Variants in MORN3 observed in about 807,000 individuals in gnomAD.
MORN3 encodes the protein MORN repeat containing 3.
Under a neutral mutation model 34.7 loss-of-function variants are expected in MORN3, and 38 were observed. That is an observed-to-expected ratio of 1.10 (90% CI 0.85 to 1.44). MORN3 has a LOEUF of 1.44. Among genes scored for constraint, MORN3 ranks in the 40% most tolerant of loss-of-function variants. MORN3 has a pLI of 0.00. For missense variants in MORN3, 311 were observed against 321.7 expected, an observed-to-expected ratio of 0.97 and a Z score of 0.25; for synonymous variants, 109 against 115.3, an observed-to-expected ratio of 0.95 and a Z score of 0.35.
chr12:121,657,483 T>C (rs1366346443), intron 2 of MORN3, among the ~76,000 whole-genome samples: 2 of 152,044 alleles, frequency 1.3e-5, no homozygotes, highest in Non-Finnish European at 2.9e-5. Context: ...CTCTGACCAA[T>C]CAGCACGCCT....
intron 5 of MORN3, 109 bp downstream of exon 5, chr12:121,652,619 C>T (rs1473286913): frequency 4.1e-6 from 4 of 969,658 alleles, no homozygotes; most frequent in African/African-American, 1.6e-5. Flanking sequence ...CTTGCTCCCC[C>T]ACTCCCCGAC....
At chr12:121,663,558 C>A (rs1309569477) in intron 1 of MORN3, among the ~76,000 whole-genome samples, 13 of 152,004 alleles carry the variant, frequency 8.6e-5, no homozygotes. Context: ...TACAATTTTT[C>A]TTTGTCAATC....
chr12:121,654,667 G>T (rs1287406469), intron 2 of MORN3, among the ~76,000 whole-genome samples: 1 of 151,710 alleles, frequency 6.6e-6, no homozygotes, highest in Non-Finnish European at 1.5e-5. Flanking sequence ...ATGTGATCTC[G>T]GCTCACTGTA....
In MORN3 at chr12:121,653,146, C is replaced by G. The variant is rs1162239783; in HGVS notation, c.577G>C (p.Ala193Pro). 1.2e-6 allele frequency: 2 copies of G among 1,614,172 alleles called. No homozygotes were observed. Among genetic ancestry groups the G allele is most frequent in the Admixed American group, 3.3e-5 (2 of 60,008 alleles). ...LFEGFWVDNM[A>P]KCGTMIDFGR... ...AAGTCGATCATCGTCCCGCATTTGG[C>G]CATATTGTCCACCCAGAAGCCTTCA... Residue 193 changes from alanine to proline, a missense_variant, in exon 4 of 6, where the codon GCC becomes CCC. Ala to Pro is a conservative substitution (Grantham distance 27). Transcript: ENST00000355329.
intron 1 of MORN3, among the ~76,000 whole-genome samples, chr12:121,667,481 C>G (rs1222395774): frequency 6.6e-6 from 1 of 152,070 alleles, no homozygotes; most frequent in Non-Finnish European, 1.5e-5. Context: ...TGTTGAACTC[C>G]TGACCTCAAG....
intron 2 of MORN3, 65 bp downstream of exon 2, chr12:121,659,124 AAC>A (rs1314155317): frequency 5.0e-5 from 76 of 1,525,312 alleles, no homozygotes; most frequent in South Asian, 3.4e-4. Flanking sequence ...GCTTCCCCTA[AAC>A]ACACACGCGC....
chr12:121,667,292 C>T (rs1168522463), intron 1 of MORN3, among the ~76,000 whole-genome samples: 2 of 151,690 alleles, frequency 1.3e-5, no homozygotes, highest in Non-Finnish European at 1.5e-5. Context: ...CTTGCTCTGG[C>T]ACCCAGGCTG....
At position 121,664,533 on chromosome 12, in the gene MORN3, C is replaced by T. The variant is rs183198811; in HGVS notation, c.145+4806G>A. On this transcript the variant is annotated intron_variant, in intron 1 of 5. Coordinates refer to ENST00000355329, the MANE Select transcript of MORN3 (RefSeq NM_173855.5). ...CAGCACTTTGGGAGGCCAAGGCGGG[C>T]GGATCACTTGAGGTCGGGAGTTCGA... 1.3e-4 allele frequency among the ~76,000 whole-genome samples: 20 copies of T among 152,194 alleles called. No homozygotes were observed. The East Asian group carries it at 3.3e-3, about 25-fold the overall frequency.
chr12:121,661,188 G>A (rs572747186), intron 1 of MORN3, among the ~76,000 whole-genome samples: 1 of 151,956 alleles, frequency 6.6e-6, no homozygotes, highest in South Asian at 2.1e-4. Context: ...CAAACTACTG[G>A]GCTCAAGCAG....
At chr12:121,662,617 G>A (rs1299416206) in intron 1 of MORN3, among the ~76,000 whole-genome samples, 1 of 152,044 alleles carries the variant, frequency 6.6e-6, no homozygotes, top group Non-Finnish European at 1.5e-5. Flanking sequence ...AGCTGGGCAT[G>A]GTGGTGAGCA....
rs574575302 is a variant in MORN3, at chr12:121,668,514, G to A, written c.145+825C>T. Among the ~76,000 whole-genome samples the A allele has an allele frequency of 7.9e-5, 12 of 152,198 alleles. No individual in the cohort carries two copies. The East Asian group carries it at 1.4e-3, about 17-fold the overall frequency. ...CAAGATCGTGCCATTGCACTCCAGC[G>A]TGGGCAACAAGAGTGAAACTCCGTC... On this transcript the variant is annotated intron_variant, in intron 1 of 5. Transcript: ENST00000355329.
rs11043310 is a variant in MORN3, at chr12:121,651,453, C to T, written c.*198G>A. ...TGAGATCAGAGAATGAAGAGGGTCC[C>T]GAGGACAGCCTGGGAGAGAAGCACC... On this transcript the variant is annotated 3_prime_UTR_variant, in exon 6 of 6. Transcript: ENST00000355329. The T allele has an allele frequency of 0.027, 4,136 of 152,220 alleles. 85 individuals carry two copies. The highest frequency in any genetic ancestry group is 0.042 in the Non-Finnish European group (2,857 of 68,088). 9.4% of individuals were successfully genotyped at this position (152,220 alleles called of 1,614,324 possible).
chr12:121,653,423 A>G (rs1396033688), intron 3 of MORN3, among the ~76,000 whole-genome samples, 164 bp from the exon 4 acceptor site: 2 of 151,872 alleles, frequency 1.3e-5, no homozygotes, highest in Non-Finnish European at 2.9e-5. Flanking sequence ...ACATAGTGAG[A>G]CCACATCTCT....
rs566839152 is a variant in MORN3, at chr12:121,649,862, C to CTTTTTTTT, written c.*1781_*1788dup. On this transcript the variant is annotated 3_prime_UTR_variant, in exon 6 of 6. Coordinates refer to ENST00000355329, the MANE Select transcript of MORN3 (RefSeq NM_173855.5). ...TAGTTGGGATTACAGGTGCTGAATT[C>CTTTTTTTT]TTTTTTTTTTTTTTTTTTGTAGCAT... 8.3e-6 allele frequency: 1 copy of CTTTTTTTT among 120,926 alleles called. No individual in the cohort carries two copies. The highest frequency in any genetic ancestry group is 8.7e-5 in the Admixed American group (1 of 11,486). 7.5% of individuals were successfully genotyped at this position (120,926 alleles called of 1,614,324 possible). A position where few individuals can be genotyped will look rare whatever the true frequency, so the allele number is the denominator to read the frequency against.
At chr12:121,655,322 A>G (rs1555325585) in intron 2 of MORN3, among the ~76,000 whole-genome samples, 1 of 150,626 alleles carries the variant, frequency 6.6e-6, no homozygotes, top group East Asian at 2.0e-4. Context: ...CCTAGGTGAC[A>G]GGGTGAGACG....
chr12:121,669,054 G>C (rs755692977), intron 1 of MORN3, among the ~76,000 whole-genome samples: 3 of 152,188 alleles, frequency 2.0e-5, no homozygotes, highest in Non-Finnish European at 4.4e-5. Flanking sequence ...TCAGAAGGCA[G>C]GAACTGAGCC....
chr12:121,666,181 T>C (rs1232930347), intron 1 of MORN3, among the ~76,000 whole-genome samples: 3 of 152,034 alleles, frequency 2.0e-5, no homozygotes, highest in African/African-American at 7.2e-5. Flanking sequence ...TATTTATTTG[T>C]CTTTTTTTTT....
intron 2 of MORN3, among the ~76,000 whole-genome samples, chr12:121,657,940 C>T (rs541551131): frequency 2.0e-5 from 3 of 151,576 alleles, no homozygotes; most frequent in Non-Finnish European, 4.4e-5. Flanking sequence ...GTTAATTACT[C>T]TTTCTCTATT....
intron 5 of MORN3, 72 bp downstream of exon 5, chr12:121,652,656 A>G: frequency 6.3e-6 from 9 of 1,428,824 alleles, no homozygotes; most frequent in Non-Finnish European, 8.9e-6. Context: ...ACCCCAGGAG[A>G]TCTGTGCATT....
Sources: allele counts gnomAD v4.1 joint callset (sites outside exome capture counted in the v4.1 genomes callset), GRCh38; gene constraint gnomAD v4.1.1; transcripts MANE v1.5; gene names NCBI Gene and HGNC (gene_info 2026-07-23, HGNC 2026-07-21).